LPIN2: variants seen among roughly 807,000 people sequenced by gnomAD.
The protein encoded by LPIN2 is lipin 2.
In LPIN2, 55 loss-of-function variants were observed where a neutral mutation model predicts 111.4. The observed-to-expected ratio is 0.49, with a 90% CI of 0.40 to 0.62. LPIN2 has a LOEUF of 0.62. Ranked by LOEUF, LPIN2 falls within the 20% of genes least tolerant of loss-of-function variation. The pLI is 0.00. For synonymous variants in LPIN2, 425 were observed against 414.0 expected (o/e 1.03, Z -0.32); for missense variants, 992 against 1,112.1 (o/e 0.89, Z 1.54).
At chr18:2,962,550 A>C (rs1223287119) in intron 1 of LPIN2, among the ~76,000 whole-genome samples, 1 of 152,220 alleles carries the variant, frequency 6.6e-6, no homozygotes, top group Admixed American at 6.5e-5. Flanking sequence ...TGTGGGGAGG[A>C]AATAGTGTTT....
At chr18:2,953,115 G>C (rs1039938307) in intron 3 of LPIN2, among the ~76,000 whole-genome samples, 1 of 152,142 alleles carries the variant, frequency 6.6e-6, no homozygotes, top group Admixed American at 6.6e-5. Flanking sequence ...TTAAGGAGAA[G>C]CATACTACAC....
At chr18:2,998,954 T>C (rs1020072738) in intron 1 of LPIN2, among the ~76,000 whole-genome samples, 7 of 152,152 alleles carry the variant, frequency 4.6e-5, no homozygotes, top group African/African-American at 9.7e-5. Context: ...TGCAGAAATT[T>C]TGGCAGTCAC....
In LPIN2 at chr18:2,930,572, A is replaced by G. The variant is rs377664782; in HGVS notation, c.1456+684T>C. ...AGATGACACTAGTCACGGAAAGAAA[A>G]TTTTCCCTTAGAAGAAAATCATACA... On this transcript the variant is annotated intron_variant, in intron 9 of 19. Coordinates refer to ENST00000677752, the MANE Select transcript of LPIN2 (RefSeq NM_001375808.2). Among the ~76,000 whole-genome samples, 137 of 152,270 alleles carry G rather than the reference A, an allele frequency of 9.0e-4. 5 individuals carry two copies. In the South Asian group the frequency reaches 0.028, roughly 31 times the overall value.
intron 14 of LPIN2, 109 bp from the exon 15 acceptor site, chr18:2,924,655 G>T: frequency 8.7e-7 from 1 of 1,152,950 alleles, no homozygotes; most frequent in Non-Finnish European, 1.3e-6. Context: ...GAGGCAGGAT[G>T]GTTTCCGGGG....
In LPIN2 at chr18:3,008,175, C is replaced by A. The variant is rs945597694; in HGVS notation, c.-10+4912G>T. On this transcript the variant is annotated intron_variant, in intron 1 of 19. Coordinates refer to ENST00000677752, the MANE Select transcript of LPIN2 (RefSeq NM_001375808.2). ...CGGATGCTTAGGCTGGGCACAGTGG[C>A]TCACACCTGTAATCCCAACACTTTC... Among the ~76,000 whole-genome samples, 3 of 152,362 alleles carry A rather than the reference C, an allele frequency of 2.0e-5. No individual in the cohort carries two copies. The South Asian group carries it at 6.2e-4, about 32-fold the overall frequency.
In LPIN2 at chr18:2,925,366, G is replaced by A. The variant is rs372850864; in HGVS notation, c.1796C>T (p.Pro599Leu). Reference sequence around the variant, plus strand: ...GTCACTCGAGGAGTCATTCTCGGCCGGCCTGTTCAACATTAGCCCAGTTAC... The same window carrying A: ...GTCACTCGAGGAGTCATTCTCGGCCAGCCTGTTCAACATTAGCCCAGTTAC... ...SSSKEPAGAR[P>L]AENDSSSDEG... The change falls in exon 14 of 20, where the codon CCG becomes CTG. Residue 599 changes from proline (P) to leucine (L), a missense_variant and splice_region_variant. Physicochemically the swap from Pro to Leu is moderately conservative, Grantham distance 98. This residue lies in a region of LPIN2 where 709 missense variants were observed against 753.2 expected (regional missense o/e 0.94). Transcript: ENST00000677752. The surrounding 1 kb of genome is among the most constrained non-coding windows in gnomAD (Gnocchi z 4.1). 1.9e-5 allele frequency: 31 copies of A among 1,613,896 alleles called. No homozygotes were observed. In the Admixed American group the frequency reaches 2.7e-4, roughly 14 times the overall value.
At chr18:2,996,346 A>T (rs904563918) in intron 1 of LPIN2, among the ~76,000 whole-genome samples, 1 of 152,078 alleles carries the variant, frequency 6.6e-6, no homozygotes, top group Non-Finnish European at 1.5e-5. Context: ...CCCAAAAATA[A>T]AAGTGTTACA....
At chr18:2,956,309 GGGGTGTGT>G (rs2077612458) in intron 2 of LPIN2, among the ~76,000 whole-genome samples, 1 of 39,020 alleles carries the variant, frequency 2.6e-5, no homozygotes, top group South Asian at 1.1e-3. Flanking sequence ...TATAGATGCA[GGGGTGTGT>G]GTGTGTGTGT....
chr18:2,971,904 A>G (rs1213045711), intron 1 of LPIN2, among the ~76,000 whole-genome samples: 1 of 151,998 alleles, frequency 6.6e-6, no homozygotes, highest in Non-Finnish European at 1.5e-5. Flanking sequence ...AAAATTAGCC[A>G]GGCATGGTGG....
intron 1 of LPIN2, among the ~76,000 whole-genome samples, chr18:2,993,110 G>A (rs564865983): frequency 1.3e-3 from 200 of 151,654 alleles, no homozygotes; most frequent in Non-Finnish European, 2.2e-3. Flanking sequence ...GCACCACTGC[G>A]CTCCAGCCTG....
chr18:2,920,725 C>A, intron 19 of LPIN2, 53 bp downstream of exon 19: 1 of 1,359,524 alleles, frequency 7.4e-7, no homozygotes, highest in Non-Finnish European at 1.1e-6. Context: ...TGTCTGTCCC[C>A]AACTGTACCC....
At chr18:2,983,575 G>A (rs1297556432) in intron 1 of LPIN2, among the ~76,000 whole-genome samples, 1 of 152,052 alleles carries the variant, frequency 6.6e-6, no homozygotes, top group Admixed American at 6.6e-5. Context: ...GGATTGTGCT[G>A]TTCATCACAA....
chr18:2,963,397 G>C (rs1039243867), intron 1 of LPIN2, among the ~76,000 whole-genome samples: 5 of 152,160 alleles, frequency 3.3e-5, no homozygotes, highest in Non-Finnish European at 1.5e-5. Flanking sequence ...AACCAAGTCA[G>C]ACCTGTCCTG....
chr18:2,931,104 G>C lies in LPIN2; in HGVS notation c.1456+152C>G, dbSNP rs1426648872. Reference sequence around the variant, plus strand: ...GTGTCAATTAAGACCTTAAGTGAGGGTATAAGGGTCTGACATTACAGAACA... The same window carrying C: ...GTGTCAATTAAGACCTTAAGTGAGGCTATAAGGGTCTGACATTACAGAACA... On this transcript the variant is annotated intron_variant, in intron 9 of 19. Transcript: ENST00000677752. The C allele has an allele frequency of 2.0e-5, 18 of 902,096 alleles. No individual in the cohort carries two copies. The Admixed American group carries it at 3.6e-4, about 18-fold the overall frequency. 55.9% of individuals were successfully genotyped at this position (902,096 alleles called of 1,614,324 possible).
intron 4 of LPIN2, among the ~76,000 whole-genome samples, chr18:2,944,225 T>C (rs560594662): frequency 4.7e-5 from 7 of 149,322 alleles, no homozygotes; most frequent in Admixed American, 2.7e-4. Flanking sequence ...AAGCTCTTCA[T>C]GACTTTAAAA....
In LPIN2 at chr18:2,934,457, A is replaced by C; in HGVS notation, c.1169-7T>G. 1.4e-6 allele frequency: 2 copies of C among 1,423,076 alleles called. No homozygotes were observed. Among genetic ancestry groups the C allele is most frequent in the Non-Finnish European group, 2.0e-6 (2 of 1,024,198 alleles). The allele number at this position is 1,423,076 out of a possible 1,614,324, so 88.2% of individuals were successfully genotyped here. On this transcript the variant is annotated splice_region_variant and splice_polypyrimidine_tract_variant and intron_variant, in intron 7 of 19. Transcript: ENST00000677752. ...TGGCTTCTTTTGTGAACACCTGTTT[A>C]AAAAAAAAATCAGAGGTAAGAATTT...
intron 13 of LPIN2, 128 bp downstream of exon 13, chr18:2,926,595 T>C (rs1234640858): frequency 6.6e-6 from 5 of 760,378 alleles, no homozygotes; most frequent in Non-Finnish European, 8.9e-6. Context: ...GGCACAAATA[T>C]ATCACAGCAT....
intron 5 of LPIN2, among the ~76,000 whole-genome samples, 184 bp downstream of exon 5, chr18:2,940,417 AAGTC>A (rs1289371945): frequency 6.6e-6 from 1 of 152,250 alleles, no homozygotes; most frequent in African/African-American, 2.4e-5. Flanking sequence ...CTGTTAGAGT[AAGTC>A]AGATCAAATT....
intron 4 of LPIN2, chr18:2,946,811 G>T: frequency 2.3e-6 from 1 of 437,540 alleles, no homozygotes; most frequent in Non-Finnish European, 4.2e-6. Context: ...ACAACGTCTA[G>T]CAGCAACCTT....
Sources: allele counts gnomAD v4.1 joint callset (sites outside exome capture counted in the v4.1 genomes callset), GRCh38; gene constraint gnomAD v4.1.1; regional missense constraint gnomAD v4.1.1; non-coding constraint Gnocchi (gnomAD v3.1); transcripts MANE v1.5; gene names NCBI Gene and HGNC (gene_info 2026-07-23, HGNC 2026-07-21).